Variants in PUDP observed in about 807,000 individuals in gnomAD.
PUDP encodes pseudouridine 5'-phosphatase, also known as pseudouridine-5'-phosphatase.
In PUDP, 8 loss-of-function variants were observed where a neutral mutation model predicts 9.4. That is an observed-to-expected ratio of 0.85 (90% CI 0.50 to 1.53). The LOEUF (loss-of-function observed/expected upper bound fraction) is 1.53, where lower values mean the gene tolerates loss of function less well. Ranked by LOEUF, PUDP falls within the 40% of genes most tolerant of loss-of-function variation. PUDP has a pLI of 0.00. For synonymous variants in PUDP, 99 were observed against 80.7 expected, an observed-to-expected ratio of 1.23 and a Z score of -1.22; for missense variants, 188 against 189.7, an observed-to-expected ratio of 0.99 and a Z score of 0.05.
chrX:7,019,980 G>GA (rs770262355), intron 1 of PUDP, among the ~76,000 whole-genome samples: 2 of 108,721 alleles, frequency 1.8e-5, no homozygotes, highest in Non-Finnish European at 3.8e-5. Context: ...TATCTTAGGG[G>GA]AAAAAAAAGG....
chrX:7,125,148 G>T (rs1932451670), intron 1 of PUDP, among the ~76,000 whole-genome samples: 1 of 111,477 alleles, frequency 9.0e-6, no homozygotes, highest in Admixed American at 9.5e-5. Flanking sequence ...CAGTTCACCA[G>T]TTTACTAAAA....
chrX:6,841,381 C>T (rs1019306229), intron 3 of PUDP, among the ~76,000 whole-genome samples: 2 of 110,323 alleles, frequency 1.8e-5, no homozygotes, highest in Non-Finnish European at 3.8e-5. Context: ...GAGTTGAGCC[C>T]AGGAGTTCAA....
Position 6,714,052 on chromosome X carries a change from C to T in PUDP, n.128+7365G>A, listed in dbSNP as rs371177299. Among the ~76,000 whole-genome samples, 36 of 110,402 alleles carry T rather than the reference C, an allele frequency of 3.3e-4. 1 individual carries two copies. In the East Asian group the frequency reaches 5.1e-3, roughly 16 times the overall value. On this transcript the variant is annotated intron_variant and non_coding_transcript_variant, in intron 1 of 2. Transcript: ENST00000438499. ...GACTCCAGGCGCACACCACCATACCCGGCTAATTTTTGTATTTTTTGAAGA... is the reference window on the plus strand; with the variant it reads ...GACTCCAGGCGCACACCACCATACCTGGCTAATTTTTGTATTTTTTGAAGA...
intron 3 of PUDP, among the ~76,000 whole-genome samples, chrX:6,726,905 G>A (rs969812872): frequency 1.8e-5 from 2 of 111,612 alleles, no homozygotes; most frequent in African/African-American, 6.5e-5. Context: ...ACTATGAAAG[G>A]CAGTAAGGCA....
At chrX:6,819,442 T>C (rs1013767892) in intron 3 of PUDP, among the ~76,000 whole-genome samples, 1 of 112,498 alleles carries the variant, frequency 8.9e-6, no homozygotes, top group Non-Finnish European at 1.9e-5. Context: ...ATTTCTTCTC[T>C]GCAACACAAA....
chrX:6,901,536 A>G (rs1221456284), intron 3 of PUDP, among the ~76,000 whole-genome samples: 1 of 112,303 alleles, frequency 8.9e-6, no homozygotes, highest in African/African-American at 3.2e-5. Flanking sequence ...ACTTATTTAC[A>G]TGCTTGCTCC....
intron 3 of PUDP, among the ~76,000 whole-genome samples, chrX:6,914,890 T>C (rs1927906197): frequency 1.8e-5 from 2 of 112,535 alleles, no homozygotes; most frequent in Non-Finnish European, 3.8e-5. Flanking sequence ...CTAGAAGGAA[T>C]CTTTTTTTTT....
intron 3 of PUDP, among the ~76,000 whole-genome samples, chrX:6,895,902 T>TG (rs1383274668): frequency 9.1e-6 from 1 of 110,411 alleles, no homozygotes; most frequent in African/African-American, 3.3e-5. Flanking sequence ...TGTCCTCACG[T>TG]GGGGGAAGGG....
At chrX:6,827,013 T>A (rs1254130488) in intron 3 of PUDP, among the ~76,000 whole-genome samples, 1 of 112,040 alleles carries the variant, frequency 8.9e-6, no homozygotes, top group Non-Finnish European at 1.9e-5. Flanking sequence ...TTAGGGATTG[T>A]CATGGACACA....
intron 3 of PUDP, among the ~76,000 whole-genome samples, chrX:6,792,441 ACCCCT>A (rs1206325302): frequency 9.3e-6 from 1 of 107,771 alleles, no homozygotes; most frequent in Non-Finnish European, 1.9e-5. Flanking sequence ...AACTTCACCC[ACCCCT>A]CCTCAAAAGT....
rs990739946 is a variant in PUDP, at chrX:7,004,074, C to T, written c.205-25731G>A. ...TATTTTTTGTAGAGATGGGGTTTTA[C>T]CATGTTGTTGAGGCTGGTTTTGAAC... On this transcript the variant is annotated intron_variant and NMD_transcript_variant, in intron 1 of 3. Coordinates refer to the PUDP transcript ENST00000655425. Among the ~76,000 whole-genome samples, 69 of 110,615 alleles carry T rather than the reference C, an allele frequency of 6.2e-4. 2 individuals carry two copies. Among genetic ancestry groups the T allele is most frequent in the African/African-American group, 2.1e-3 (63 of 30,326 alleles).
At chrX:6,751,052 G>T (rs959291319) in intron 3 of PUDP, among the ~76,000 whole-genome samples, 1 of 110,484 alleles carries the variant, frequency 9.1e-6, no homozygotes, top group African/African-American at 3.3e-5. Context: ...TGAGGCAGGA[G>T]AATGGTGTGA....
At chrX:6,954,130 G>A (rs1436880284) in intron 3 of PUDP, among the ~76,000 whole-genome samples, 1 of 110,583 alleles carries the variant, frequency 9.0e-6, no homozygotes, top group Non-Finnish European at 1.9e-5. Flanking sequence ...GCAACTGTGA[G>A]TCAATGAAAC....
intron 3 of PUDP, among the ~76,000 whole-genome samples, chrX:7,059,636 G>A (rs2146845847): frequency 8.9e-6 from 1 of 112,021 alleles, no homozygotes; most frequent in Admixed American, 9.4e-5. Context: ...CTGTAGAGCA[G>A]CAAGTTGTGT....
chrX:6,803,389 C>CA (rs766090766), intron 3 of PUDP, among the ~76,000 whole-genome samples: 16 of 110,497 alleles, frequency 1.4e-4, no homozygotes, highest in African/African-American at 4.3e-4. Context: ...AGAAATCCTT[C>CA]AAAAAAAACA....
At chrX:6,822,428 T>A (rs1286415433) in intron 3 of PUDP, among the ~76,000 whole-genome samples, 1 of 110,882 alleles carries the variant, frequency 9.0e-6, no homozygotes, top group Non-Finnish European at 1.9e-5. Context: ...CTTGCAGGTT[T>A]CCCTGTTTGT....
chrX:6,783,323 G>A (rs1206682594), intron 3 of PUDP, among the ~76,000 whole-genome samples: 1 of 111,240 alleles, frequency 9.0e-6, no homozygotes, highest in Non-Finnish European at 1.9e-5. Flanking sequence ...GTACCTACCG[G>A]TGGATGCGTT....
intron 3 of PUDP, among the ~76,000 whole-genome samples, chrX:6,885,488 A>G (rs1415881100): frequency 2.7e-5 from 3 of 111,971 alleles, no homozygotes; most frequent in Non-Finnish European, 5.6e-5. Context: ...ATGGCACTCA[A>G]CAAGGTTCCT....
At chrX:6,932,851 G>A (rs1168072362) in intron 3 of PUDP, among the ~76,000 whole-genome samples, 4 of 111,125 alleles carry the variant, frequency 3.6e-5, no homozygotes, top group Admixed American at 9.5e-5. Flanking sequence ...CTACGCCCAC[G>A]GAGTCTCGCT....
Sources: allele counts gnomAD v4.1 joint callset (sites outside exome capture counted in the v4.1 genomes callset), GRCh38; gene constraint gnomAD v4.1.1; transcripts MANE v1.5; gene names NCBI Gene and HGNC (gene_info 2026-07-23, HGNC 2026-07-21).